GALNT13: variants seen among roughly 807,000 people sequenced by gnomAD.
GALNT13 encodes polypeptide N-acetylgalactosaminyltransferase 13.
In GALNT13, 28 loss-of-function variants were observed where a neutral mutation model predicts 64.2. The ratio of observed to expected loss-of-function variants is 0.44; its 90% CI spans 0.32 to 0.60. The LOEUF is 0.60. GALNT13 is among the 20% of genes least tolerant of loss of function. The pLI is 0.05. For missense variants in GALNT13, 577 were observed against 669.8 expected (o/e 0.86, Z 1.53); for synonymous variants, 214 against 224.6 (o/e 0.95, Z 0.42).
the GALNT13 span, among the ~76,000 whole-genome samples, chr2:153,523,043 A>ATTTTTTTTTTTT: frequency 2.4e-5 from 2 of 83,400 alleles, no homozygotes; most frequent in African/African-American, 9.8e-5. Context: ...TGTGTTTACT[A>ATTTTTTTTTTTT]TTTTTTTTTT....
At chr2:153,112,115 C>T in the GALNT13 span, among the ~76,000 whole-genome samples, 302 of 152,186 alleles carry the variant, frequency 2.0e-3, 2 homozygotes, top group African/African-American at 6.6e-3. Flanking sequence ...TTCCATATGG[C>T]GGGGGCAAGA....
chr2:153,522,759 G>T, the GALNT13 span, among the ~76,000 whole-genome samples: 1 of 152,068 alleles, frequency 6.6e-6, no homozygotes, highest in East Asian at 1.9e-4. Flanking sequence ...GGATAACGGT[G>T]CTTTAATAGA....
At chr2:154,012,689 T>G (rs1574327290) in intron 3 of GALNT13, among the ~76,000 whole-genome samples, 1 of 152,308 alleles carries the variant, frequency 6.6e-6, no homozygotes, top group East Asian at 1.9e-4. Flanking sequence ...CCTCTCTCTT[T>G]CTGCCATGTC....
the GALNT13 span, among the ~76,000 whole-genome samples, chr2:153,680,738 C>T: frequency 7.2e-5 from 11 of 151,866 alleles, 1 homozygote; most frequent in South Asian, 1.7e-3. Flanking sequence ...GGCCCACATT[C>T]AGTATGTTCC....
chr2:153,488,923 G>T, the GALNT13 span, among the ~76,000 whole-genome samples: 1 of 152,148 alleles, frequency 6.6e-6, no homozygotes, highest in Non-Finnish European at 1.5e-5. Flanking sequence ...TCTGCCTTCT[G>T]CTGTGTGAGG....
chr2:154,291,982 G>C (rs1376873856), intron 8 of GALNT13, among the ~76,000 whole-genome samples: 3 of 152,210 alleles, frequency 2.0e-5, no homozygotes, highest in Non-Finnish European at 4.4e-5. Context: ...GACTGCAAAA[G>C]TTGGCACTTT....
At chr2:153,328,117 G>A in the GALNT13 span, among the ~76,000 whole-genome samples, 1 of 152,098 alleles carries the variant, frequency 6.6e-6, no homozygotes, top group Non-Finnish European at 1.5e-5. Context: ...GTTTGCCTGG[G>A]TATCACCAGC....
At chr2:153,135,825 G>C in the GALNT13 span, among the ~76,000 whole-genome samples, 4 of 151,920 alleles carry the variant, frequency 2.6e-5, no homozygotes, top group Admixed American at 2.0e-4. Context: ...GTATGCATAG[G>C]TGATGTTCTA....
At chr2:153,553,734 C>T in the GALNT13 span, among the ~76,000 whole-genome samples, 1 of 152,090 alleles carries the variant, frequency 6.6e-6, no homozygotes, top group Non-Finnish European at 1.5e-5. Flanking sequence ...TTTCCAGGAA[C>T]GAGGGAACCA....
chr2:153,140,097 A>G, the GALNT13 span, among the ~76,000 whole-genome samples: 1 of 152,062 alleles, frequency 6.6e-6, no homozygotes, highest in Non-Finnish European at 1.5e-5. Flanking sequence ...CTTACCATCC[A>G]TTCCTTAAGA....
At chr2:153,900,653 G>A (rs1024902322) in intron 1 of GALNT13, among the ~76,000 whole-genome samples, 4 of 151,996 alleles carry the variant, frequency 2.6e-5, no homozygotes, top group African/African-American at 9.7e-5. Context: ...AATATTCTGG[G>A]GGGCACTGTG....
the GALNT13 span, among the ~76,000 whole-genome samples, chr2:153,288,361 C>T: frequency 1.3e-5 from 2 of 152,204 alleles, no homozygotes; most frequent in East Asian, 3.9e-4. Context: ...CATTGTTTTG[C>T]TTTCCACTGC....
chr2:153,217,599 A>G, the GALNT13 span, among the ~76,000 whole-genome samples: 2 of 152,038 alleles, frequency 1.3e-5, no homozygotes, highest in African/African-American at 4.8e-5. Context: ...AGTTTTTTCA[A>G]GTCTAGAAAT....
At chr2:154,371,417 G>A (rs1187657339) in intron 9 of GALNT13, among the ~76,000 whole-genome samples, 2 of 151,796 alleles carry the variant, frequency 1.3e-5, no homozygotes. Context: ...TTGAGTGTGT[G>A]TGACAGCAGA....
At chr2:153,089,283 A>G in the GALNT13 span, among the ~76,000 whole-genome samples, 148,124 of 152,276 alleles carry the variant, frequency 0.97, 72,071 homozygotes, top group East Asian at 1. Context: ...TTTTGTTTCA[A>G]GAGGCTAAAG....
the GALNT13 span, among the ~76,000 whole-genome samples, chr2:153,236,479 C>A: frequency 6.6e-6 from 1 of 152,162 alleles, no homozygotes; most frequent in African/African-American, 2.4e-5. Context: ...CAGCTGGTGA[C>A]TATAAGTTGA....
chr2:153,726,700 G>C, the GALNT13 span, among the ~76,000 whole-genome samples: 2 of 151,968 alleles, frequency 1.3e-5, no homozygotes, highest in Non-Finnish European at 2.9e-5. Flanking sequence ...TCAGCACTTT[G>C]GGAGGCCGAG....
the GALNT13 span, among the ~76,000 whole-genome samples, chr2:153,162,551 C>G: frequency 8.2e-4 from 125 of 152,248 alleles, no homozygotes; most frequent in African/African-American, 3.0e-3. Context: ...AAGTCAGCCC[C>G]CCTGGGAAGA....
chr2:154,344,901 T>C (rs1050662138), intron 9 of GALNT13, among the ~76,000 whole-genome samples: 2 of 152,012 alleles, frequency 1.3e-5, no homozygotes, highest in Non-Finnish European at 2.9e-5. Flanking sequence ...TGATGGGATC[T>C]ATGCCCACTG....
Sources: gnomAD v4.1 joint callset for allele counts (sites outside exome capture counted in the v4.1 genomes callset) on GRCh38, gnomAD v4.1.1 for gene constraint, MANE v1.5 for transcripts, NCBI Gene and HGNC (gene_info 2026-07-23, HGNC 2026-07-21) for gene names.